PREX1: variants seen among roughly 807,000 people sequenced by gnomAD.
PREX1 encodes the protein phosphatidylinositol 3,4,5-trisphosphate-dependent Rac exchanger 1 protein.
Under a neutral mutation model 198.3 loss-of-function variants are expected in PREX1, and 41 were observed. That is an observed-to-expected ratio of 0.21 (90% CI 0.16 to 0.27). PREX1 has a LOEUF of 0.27. Among genes scored for constraint, PREX1 ranks in the 10% least tolerant of loss-of-function variants. The pLI is 1.00. For missense variants in PREX1, 1,620 were observed against 2,200.7 expected, an observed-to-expected ratio of 0.74 and a Z score of 5.28; for synonymous variants, 843 against 887.2, an observed-to-expected ratio of 0.95 and a Z score of 0.89.
chr20:48,797,345 A>T (rs1374658810), intron 1 of PREX1, among the ~76,000 whole-genome samples: 1 of 114,312 alleles, frequency 8.7e-6, no homozygotes, highest in Non-Finnish European at 1.8e-5. Flanking sequence ...CTCCCCCCAG[A>T]CCCCCCCCAG....
intron 5 of PREX1, among the ~76,000 whole-genome samples, chr20:48,720,258 ATATT>A (rs1226788833): frequency 6.6e-6 from 1 of 152,058 alleles, no homozygotes; most frequent in African/African-American, 2.4e-5. Flanking sequence ...TCTGAACCTG[ATATT>A]TATTTTTTCC....
chr20:48,859,372 A>G, the PREX1 span, among the ~76,000 whole-genome samples: 3 of 152,054 alleles, frequency 2.0e-5, no homozygotes, highest in Non-Finnish European at 4.4e-5. Context: ...AAACCCAGTC[A>G]CCCACCCCAT....
At chr20:48,812,944 A>C (rs531892631) in intron 1 of PREX1, among the ~76,000 whole-genome samples, 1 of 152,372 alleles carries the variant, frequency 6.6e-6, no homozygotes, top group South Asian at 2.1e-4. Flanking sequence ...CAAAGATGAA[A>C]CAGCTATTTG....
chr20:48,653,599 A>T, intron 19 of PREX1, 102 bp from the exon 20 acceptor site: 1 of 1,451,014 alleles, frequency 6.9e-7, no homozygotes, highest in South Asian at 1.3e-5. Context: ...AGACACGCGC[A>T]AGGACTCCAC....
At chr20:48,641,447 T>A (rs908213530) in intron 29 of PREX1, among the ~76,000 whole-genome samples, 2 of 152,094 alleles carry the variant, frequency 1.3e-5, no homozygotes, top group Non-Finnish European at 2.9e-5. Context: ...TGATACTTTT[T>A]AAAAAGTGAT....
At chr20:48,726,149 A>G (rs1042666232) in intron 5 of PREX1, 141 bp downstream of exon 5, 46 of 659,776 alleles carry the variant, frequency 7.0e-5, no homozygotes, top group Non-Finnish European at 1.2e-4. Context: ...ACGAGAGAGA[A>G]AGAGGCAGGG....
intron 1 of PREX1, among the ~76,000 whole-genome samples, chr20:48,754,853 A>C (rs1260919687): frequency 6.6e-6 from 1 of 152,076 alleles, no homozygotes; most frequent in Non-Finnish European, 1.5e-5. Flanking sequence ...TGATAATAAA[A>C]TCGCTATAAC....
At chr20:48,629,926 G>A (rs1236623314) in intron 36 of PREX1, among the ~76,000 whole-genome samples, 1 of 152,142 alleles carries the variant, frequency 6.6e-6, no homozygotes, top group Non-Finnish European at 1.5e-5. Context: ...TGAAGAAAGT[G>A]CCCTCTCCCA....
chr20:48,787,522 C>T (rs757705988), intron 1 of PREX1, among the ~76,000 whole-genome samples: 3 of 151,878 alleles, frequency 2.0e-5, no homozygotes, highest in Non-Finnish European at 4.4e-5. Context: ...TGAGCACTCT[C>T]GAGCTCATTT....
chr20:48,655,454 G>C, intron 18 of PREX1, 79 bp from the exon 19 acceptor site: 1 of 1,223,784 alleles, frequency 8.2e-7, no homozygotes, highest in South Asian at 1.6e-5. Flanking sequence ...TGCCAACCCA[G>C]AGACTTTCTG....
At chr20:48,646,887 G>A (rs1475040934) in intron 25 of PREX1, among the ~76,000 whole-genome samples, 1 of 152,114 alleles carries the variant, frequency 6.6e-6, no homozygotes, top group Non-Finnish European at 1.5e-5. Flanking sequence ...TTCCTCATAT[G>A]TAAAATGGGA....
chr20:48,630,624 C>A lies in PREX1; in HGVS notation c.4593+104G>T, dbSNP rs928641589. 1.4e-4 allele frequency: 141 copies of A among 1,034,034 alleles called. No individual in the cohort carries two copies. In the East Asian group the frequency reaches 3.4e-3, roughly 25 times the overall value. 64.1% of individuals were successfully genotyped at this position (1,034,034 alleles called of 1,614,324 possible). ...CTGCAGGGTCTCAAGGGCTTTGGGG[C>A]TAGAATCTGCTGGGGCACAACCCTG... is the stretch of plus-strand genomic sequence containing the variant. On this transcript the variant is annotated intron_variant, in intron 36 of 39. Coordinates refer to ENST00000371941, the MANE Select transcript of PREX1 (RefSeq NM_020820.4).
chr20:48,655,216 C>T (rs2089532778), intron 19 of PREX1, 74 bp downstream of exon 19: 7 of 1,368,534 alleles, frequency 5.1e-6, no homozygotes, highest in Non-Finnish European at 7.1e-6. Flanking sequence ...GTTCAGAAGG[C>T]TCTGAACTCC....
At chr20:48,679,442 A>C in intron 12 of PREX1, 33 bp from the exon 13 acceptor site, 1 of 1,603,616 alleles carries the variant, frequency 6.2e-7, no homozygotes, top group Non-Finnish European at 8.5e-7. Flanking sequence ...TTCTGGGATC[A>C]GGCCACATCC....
chr20:48,848,935 A>C, the PREX1 span, among the ~76,000 whole-genome samples: 1 of 151,756 alleles, frequency 6.6e-6, no homozygotes, highest in Non-Finnish European at 1.5e-5. Flanking sequence ...CGGGGGTTTC[A>C]CCATATTGGT....
the PREX1 span, chr20:48,849,537 G>T: frequency 6.6e-6 from 1 of 152,148 alleles, no homozygotes; most frequent in African/African-American, 2.4e-5. Flanking sequence ...AGCATAGAGT[G>T]GCTGCTCCAT....
the PREX1 span, among the ~76,000 whole-genome samples, chr20:48,840,512 C>T: frequency 4.6e-5 from 7 of 152,140 alleles, no homozygotes; most frequent in African/African-American, 9.7e-5. Flanking sequence ...GGAATGCCTG[C>T]GCCATGGGGT....
chr20:48,827,559 G>T lies in PREX1; in HGVS notation c.219+83C>A. 1 of 1,046,450 alleles carries T rather than the reference G, an allele frequency of 9.6e-7. No homozygotes were observed. The highest frequency in any genetic ancestry group is 1.2e-6 in the Non-Finnish European group (1 of 824,522). 64.8% of individuals were successfully genotyped at this position (1,046,450 alleles called of 1,614,324 possible). ...CCCGAGGCAATTCTCCACCCACGGGGACCACGGCCACAGGTTGTGGGGACC... is the reference window on the plus strand; with the variant it reads ...CCCGAGGCAATTCTCCACCCACGGGTACCACGGCCACAGGTTGTGGGGACC... On this transcript the variant is annotated intron_variant, in intron 1 of 39. Transcript: ENST00000371941. The surrounding 1 kb of genome is among the most constrained non-coding windows in gnomAD (Gnocchi z 4.1).
intron 24 of PREX1, 50 bp downstream of exon 24, chr20:48,649,946 A>G: frequency 6.3e-7 from 1 of 1,594,456 alleles, no homozygotes. Context: ...TGGTTTAAGT[A>G]TCTGGAGTGC....
Sources: gnomAD v4.1 joint callset for allele counts (sites outside exome capture counted in the v4.1 genomes callset) on GRCh38, gnomAD v4.1.1 for gene constraint, Gnocchi (gnomAD v3.1) non-coding constraint, MANE v1.5 for transcripts, NCBI Gene and HGNC (gene_info 2026-07-23, HGNC 2026-07-21) for gene names.